The following MYT1L variants were observed in gnomAD, a reference collection of about 807,000 sequenced individuals.
MYT1L encodes the protein myelin transcription factor 1 like.
MYT1L carries 12 observed loss-of-function variants against 126.7 expected under a neutral mutation model. That is an observed-to-expected ratio of 0.09 (90% CI 0.06 to 0.15). MYT1L has a LOEUF of 0.15. MYT1L is among the 10% of genes least tolerant of loss of function. The pLI, the probability that MYT1L is intolerant of heterozygous loss-of-function variation, is 1.00. For synonymous variants in MYT1L, 541 were observed against 604.2 expected (o/e 0.90, Z 1.53); for missense variants, 979 against 1,585.2 (o/e 0.62, Z 6.49).
chr2:1,879,851 G>T (rs1395286813), intron 18 of MYT1L, among the ~76,000 whole-genome samples: 1 of 152,102 alleles, frequency 6.6e-6, no homozygotes, highest in Non-Finnish European at 1.5e-5. Flanking sequence ...TTGATTTGAT[G>T]ACATGATTTT....
intron 14 of MYT1L, among the ~76,000 whole-genome samples, chr2:1,899,829 CAGAT>C (rs1445801053): frequency 2.6e-5 from 4 of 152,196 alleles, no homozygotes; most frequent in African/African-American, 7.2e-5. Context: ...GATAGACTGA[CAGAT>C]GGATAGGCAG....
At chr2:2,112,041 C>T (rs568906473) in intron 3 of MYT1L, among the ~76,000 whole-genome samples, 14 of 152,224 alleles carry the variant, frequency 9.2e-5, no homozygotes, top group Non-Finnish European at 1.5e-4. Context: ...TCCTGAGGAG[C>T]GTCACAAGAA....
intron 8 of MYT1L, among the ~76,000 whole-genome samples, chr2:1,962,592 A>C (rs962707242): frequency 1.3e-5 from 2 of 152,216 alleles, no homozygotes; most frequent in Admixed American, 6.5e-5. Context: ...TCTGTAGCAC[A>C]TGGTGCTATT....
At chr2:1,975,513 G>A (rs1454720477) in intron 8 of MYT1L, among the ~76,000 whole-genome samples, 1 of 152,210 alleles carries the variant, frequency 6.6e-6, no homozygotes, top group Non-Finnish European at 1.5e-5. Context: ...CAGATCACTT[G>A]AAGTTAGGAG....
intron 3 of MYT1L, among the ~76,000 whole-genome samples, chr2:2,155,748 A>T (rs1478997060): frequency 6.6e-6 from 1 of 152,198 alleles, no homozygotes; most frequent in Non-Finnish European, 1.5e-5. Flanking sequence ...GGACGTCCTC[A>T]TGGAGCTGTA....
chr2:2,222,507 A>ATT (rs1480188817), intron 2 of MYT1L, among the ~76,000 whole-genome samples: 5 of 149,306 alleles, frequency 3.3e-5, no homozygotes, highest in African/African-American at 9.9e-5. Context: ...AAAAAAAAAA[A>ATT]TTTTTTTTTG....
intron 4 of MYT1L, among the ~76,000 whole-genome samples, chr2:2,003,282 C>T (rs1017578794): frequency 1.6e-4 from 24 of 152,246 alleles, no homozygotes; most frequent in Non-Finnish European, 2.4e-4. Context: ...TTCCACGTGA[C>T]GTTTCACATA....
intron 3 of MYT1L, among the ~76,000 whole-genome samples, chr2:2,130,797 A>C (rs1439262822): frequency 6.6e-6 from 1 of 152,172 alleles, no homozygotes; most frequent in Non-Finnish European, 1.5e-5. Flanking sequence ...TGAGGGGAAT[A>C]ATATTAGCTT....
At chr2:2,029,224 T>A (rs981877305) in intron 4 of MYT1L, among the ~76,000 whole-genome samples, 4 of 152,188 alleles carry the variant, frequency 2.6e-5, no homozygotes, top group Non-Finnish European at 1.5e-5. Context: ...GTCTAACATA[T>A]TCATGTCCAT....
chr2:1,834,875 C>T (rs1242061872), intron 21 of MYT1L, among the ~76,000 whole-genome samples: 4 of 150,074 alleles, frequency 2.7e-5, no homozygotes, highest in African/African-American at 9.9e-5. Context: ...AGGTACTCCT[C>T]CACATACCAT....
intron 2 of MYT1L, among the ~76,000 whole-genome samples, chr2:2,201,083 A>G (rs1368894273): frequency 6.6e-6 from 1 of 152,182 alleles, no homozygotes; most frequent in Non-Finnish European, 1.5e-5. Flanking sequence ...GGCCTAATAC[A>G]TTGCCATGCC....
At chr2:2,200,578 C>T (rs1019781609) in intron 2 of MYT1L, among the ~76,000 whole-genome samples, 5 of 152,160 alleles carry the variant, frequency 3.3e-5, no homozygotes, top group Non-Finnish European at 5.9e-5. Flanking sequence ...CTGCAAAATC[C>T]CTGTGTCCTG....
At position 1,848,299 on chromosome 2, in the gene MYT1L, A is replaced by C. The variant is rs11127311; in HGVS notation, c.2774+3342T>G. On this transcript the variant is annotated intron_variant, in intron 19 of 24. Coordinates refer to ENST00000647738, the MANE Select transcript of MYT1L (RefSeq NM_001303052.2). The surrounding 1 kb of genome is among the most constrained non-coding windows in gnomAD (Gnocchi z 4.8). ...TACAGACACCACGGAAGCGCGAGGCATTTGTCCTGGGAGCAGGAGGAAGAA... is the reference window on the plus strand; with the variant it reads ...TACAGACACCACGGAAGCGCGAGGCCTTTGTCCTGGGAGCAGGAGGAAGAA... Among the ~76,000 whole-genome samples the C allele has an allele frequency of 8.1e-5, 4 of 49,562 alleles. No homozygotes were observed. Among genetic ancestry groups the C allele is most frequent in the African/African-American group, 5.7e-4 (4 of 6,968 alleles). 32.5% of individuals were successfully genotyped at this position (49,562 alleles called of 152,430 possible). A position where few individuals can be genotyped will look rare whatever the true frequency, so the allele number is the denominator to read the frequency against.
At chr2:1,833,964 G>A (rs547845869) in intron 21 of MYT1L, among the ~76,000 whole-genome samples, 2 of 152,208 alleles carry the variant, frequency 1.3e-5, no homozygotes, top group Non-Finnish European at 2.9e-5. Context: ...CTCCTGTCAG[G>A]TCTGAGACCC....
intron 14 of MYT1L, among the ~76,000 whole-genome samples, chr2:1,899,175 ATTT>A (rs1051621750): frequency 6.6e-6 from 1 of 152,086 alleles, no homozygotes; most frequent in Admixed American, 6.5e-5. Flanking sequence ...TCTGGAGAGG[ATTT>A]TGTAGCAAAT....
intron 1 of MYT1L, chr2:2,325,445 A>C (rs975604544): frequency 6.6e-6 from 1 of 152,244 alleles, no homozygotes; most frequent in Non-Finnish European, 1.5e-5. Flanking sequence ...GAAGAAAAAA[A>C]TATAGAAAAA....
intron 3 of MYT1L, among the ~76,000 whole-genome samples, chr2:2,076,082 C>CA (rs1430932603): frequency 6.6e-5 from 10 of 152,172 alleles, no homozygotes; most frequent in Admixed American, 6.5e-4. Flanking sequence ...ATGGAGACAG[C>CA]AAACTGCTGG....
intron 11 of MYT1L, among the ~76,000 whole-genome samples, chr2:1,913,064 T>C (rs2052294082): frequency 6.6e-6 from 1 of 152,192 alleles, no homozygotes; most frequent in South Asian, 2.1e-4. Flanking sequence ...CAGGTGAACA[T>C]GGAAGGTCTA....
chr2:1,855,958 G>A (rs1432949102), intron 18 of MYT1L, among the ~76,000 whole-genome samples: 1 of 152,110 alleles, frequency 6.6e-6, no homozygotes. Context: ...TTACTATCTG[G>A]TTGAAAAAAT....
Sources: gnomAD v4.1 joint callset for allele counts (sites outside exome capture counted in the v4.1 genomes callset) on GRCh38, gnomAD v4.1.1 for gene constraint, Gnocchi (gnomAD v3.1) non-coding constraint, MANE v1.5 for transcripts, NCBI Gene and HGNC (gene_info 2026-07-23, HGNC 2026-07-21) for gene names.